TAX1BP1: variants seen among roughly 807,000 people sequenced by gnomAD.
TAX1BP1 encodes Tax1 binding protein 1, also known as tax1-binding protein 1.
Under a neutral mutation model 97.7 loss-of-function variants are expected in TAX1BP1, and 62 were observed. The observed-to-expected ratio is 0.63, with a 90% confidence interval of 0.52 to 0.78. TAX1BP1 has a LOEUF of 0.78. TAX1BP1 is among the 30% of genes least tolerant of loss of function. The probability of loss-of-function intolerance (pLI) is 0.00; values close to 1 mark genes in which losing one functional copy is unlikely to be tolerated. For missense variants in TAX1BP1, 867 were observed against 916.1 expected, an observed-to-expected ratio of 0.95 and a Z score of 0.69; for synonymous variants, 340 against 304.2, an observed-to-expected ratio of 1.12 and a Z score of -1.23.
At chr7:27,758,239 A>G in intron 3 of TAX1BP1, 106 bp downstream of exon 3, 2 of 765,488 alleles carry the variant, frequency 2.6e-6, no homozygotes, top group Non-Finnish European at 4.1e-6. Flanking sequence ...AGGGTACCAA[A>G]GTTGAATTAG....
In TAX1BP1 at chr7:27,766,035, G is replaced by A; in HGVS notation, c.453+14G>A. On this transcript the variant is annotated intron_variant, in intron 4 of 16. Transcript: ENST00000396319. ...GGCCTTCTTGAGGTTGGTGTTCACA[G>A]TGAGATAGTGATTCATTGATAATTT... 1.2e-6 allele frequency: 2 copies of A among 1,606,750 alleles called. No homozygotes were observed. The highest frequency in any genetic ancestry group is 8.5e-7 in the Non-Finnish European group (1 of 1,175,890).
At chr7:27,814,743 G>GT (rs35816108) in intron 13 of TAX1BP1, among the ~76,000 whole-genome samples, 70,687 of 149,986 alleles carry the variant, frequency 0.47, 16,570 homozygotes, top group Non-Finnish European at 0.49. Context: ...CATTTTTCTA[G>GT]TTTTTTTTTT....
intron 8 of TAX1BP1, among the ~76,000 whole-genome samples, chr7:27,788,844 T>C (rs1304912167): frequency 6.6e-6 from 1 of 152,022 alleles, no homozygotes; most frequent in Non-Finnish European, 1.5e-5. Flanking sequence ...TAGGTAATGG[T>C]ATTTTGAAAC....
In TAX1BP1 at chr7:27,769,844, G is replaced by C; in HGVS notation, c.612+10G>C. ...GCAAGCAGAACAAAAGGTTAGTTGT[G>C]TCTTATGTAACTGATTGAAGTTGAT... On this transcript the variant is annotated intron_variant, in intron 5 of 16. Coordinates refer to ENST00000396319, the MANE Select transcript of TAX1BP1 (RefSeq NM_006024.7). The C allele has an allele frequency of 6.8e-6, 11 of 1,610,892 alleles. No homozygotes were observed. The highest frequency in any genetic ancestry group is 9.3e-6 in the Non-Finnish European group (11 of 1,178,104).
intron 13 of TAX1BP1, among the ~76,000 whole-genome samples, chr7:27,800,968 G>C (rs929193980): frequency 5.3e-5 from 8 of 152,002 alleles, no homozygotes; most frequent in African/African-American, 1.9e-4. Flanking sequence ...GCCAGGCGTG[G>C]TGGTGGGCAC....
chr7:27,806,830 C>T (rs1665679920), intron 13 of TAX1BP1, among the ~76,000 whole-genome samples: 1 of 152,088 alleles, frequency 6.6e-6, no homozygotes, highest in African/African-American at 2.4e-5. Context: ...TAAGTATATA[C>T]ATTAACTTAG....
At position 27,794,411 on chromosome 7, in the gene TAX1BP1, C is replaced by T. The variant is rs35085537; in HGVS notation, c.1499C>T (p.Ala500Val). The stretch of plus-strand genomic sequence containing the variant: ...GTAAACACAGACCCAGCCACTTCTG[C>T]CTCTACTGTAGATGTAAAGCCATCA... ...ASVNTDPATS[A>V]STVDVKPSPS... is the part of the protein sequence containing the mutation. Residue 500 changes from alanine to valine, a missense_variant, in exon 11 of 17, where the codon GCC becomes GTC. Ala to Val is a moderately conservative substitution (Grantham distance 64). This residue lies in a region of TAX1BP1 where 822 missense variants were observed against 851.4 expected (regional missense o/e 0.97). Transcript: ENST00000396319. 1.2e-6 allele frequency: 2 copies of T among 1,612,334 alleles called. No homozygotes were observed. The highest frequency in any genetic ancestry group is 2.2e-5 in the East Asian group (1 of 44,822).
intron 8 of TAX1BP1, 64 bp from the exon 9 acceptor site, chr7:27,791,942 T>G: frequency 6.6e-7 from 1 of 1,523,254 alleles, no homozygotes; most frequent in South Asian, 1.2e-5. Flanking sequence ...GTGCGAAAAT[T>G]GTTTCTGCTT....
intron 13 of TAX1BP1, among the ~76,000 whole-genome samples, chr7:27,801,604 TAAG>T (rs1031857226): frequency 6.6e-6 from 1 of 152,176 alleles, no homozygotes; most frequent in African/African-American, 2.4e-5. Flanking sequence ...GTGCTATGCT[TAAG>T]GAGTTTATAA....
At chr7:27,740,426 G>C (rs1414700281) in intron 1 of TAX1BP1, 157 bp downstream of exon 1, 1 of 153,146 alleles carries the variant, frequency 6.5e-6, no homozygotes, top group Non-Finnish European at 1.5e-5. Context: ...CCTTCCCGAA[G>C]ACAAACCTTC....
At chr7:27,814,799 G>A (rs532492190) in intron 13 of TAX1BP1, among the ~76,000 whole-genome samples, 3 of 151,880 alleles carry the variant, frequency 2.0e-5, no homozygotes, top group South Asian at 2.1e-4. Flanking sequence ...GCAGTGGCGC[G>A]ATCTCGGCTC....
At chr7:27,780,416 T>C (rs892049562) in intron 5 of TAX1BP1, among the ~76,000 whole-genome samples, 2 of 152,232 alleles carry the variant, frequency 1.3e-5, no homozygotes, top group African/African-American at 4.8e-5. Context: ...ACTTTTCTCA[T>C]GTGAACGAGC....
intron 13 of TAX1BP1, among the ~76,000 whole-genome samples, chr7:27,800,621 A>G (rs933348922): frequency 1.3e-5 from 2 of 152,110 alleles, no homozygotes; most frequent in Non-Finnish European, 2.9e-5. Context: ...CTTTTTTTGG[A>G]GTACAATAAT....
intron 3 of TAX1BP1, among the ~76,000 whole-genome samples, chr7:27,760,828 A>G (rs940184826): frequency 1.3e-5 from 2 of 152,182 alleles, no homozygotes; most frequent in Non-Finnish European, 2.9e-5. Flanking sequence ...GTGATTTCCA[A>G]ACTTAACTTT....
chr7:27,823,252 A>C (rs1288860528), intron 15 of TAX1BP1, among the ~76,000 whole-genome samples: 1 of 152,166 alleles, frequency 6.6e-6, no homozygotes, highest in African/African-American at 2.4e-5. Flanking sequence ...GCAAAGAGAT[A>C]TTCTCTTGTT....
intron 7 of TAX1BP1, among the ~76,000 whole-genome samples, chr7:27,785,784 T>C (rs951721503): frequency 6.6e-6 from 1 of 152,204 alleles, no homozygotes; most frequent in African/African-American, 2.4e-5. Flanking sequence ...GCATGGCAGC[T>C]AGCTTCTCTC....
intron 3 of TAX1BP1, among the ~76,000 whole-genome samples, chr7:27,760,250 AAAAG>A (rs1788373386): frequency 6.6e-6 from 1 of 152,186 alleles, no homozygotes; most frequent in South Asian, 2.1e-4. Flanking sequence ...TTAACAAACT[AAAAG>A]AAAAACCTTT....
intron 9 of TAX1BP1, 147 bp downstream of exon 9, chr7:27,792,377 A>G: frequency 1.3e-6 from 1 of 779,578 alleles, no homozygotes; most frequent in South Asian, 1.9e-5. Context: ...AGTCATTGTG[A>G]CTTCTTGGCT....
chr7:27,807,669 AAGT>A (rs1443009057), intron 13 of TAX1BP1, among the ~76,000 whole-genome samples: 1 of 152,136 alleles, frequency 6.6e-6, no homozygotes, highest in East Asian at 1.9e-4. Flanking sequence ...TGTAATTAAT[AAGT>A]AATTTGTAGG....
Sources: allele counts gnomAD v4.1 joint callset (sites outside exome capture counted in the v4.1 genomes callset), GRCh38; gene constraint gnomAD v4.1.1; regional missense constraint gnomAD v4.1.1; transcripts MANE v1.5; gene names NCBI Gene and HGNC (gene_info 2026-07-23, HGNC 2026-07-21).